Variants in DLGAP2 observed in about 807,000 individuals in gnomAD.
DLGAP2 encodes disks large-associated protein 2.
DLGAP2 carries 26 observed loss-of-function variants against 100.3 expected under a neutral mutation model. The ratio of observed to expected loss-of-function variants is 0.26; its 90% CI spans 0.19 to 0.36. The LOEUF is 0.36. Ranked by LOEUF, DLGAP2 falls within the 10% of genes least tolerant of loss-of-function variation. The probability of loss-of-function intolerance (pLI) is 1.00; values close to 1 mark genes in which losing one functional copy is unlikely to be tolerated. For synonymous variants in DLGAP2, 886 were observed against 630.1 expected, an observed-to-expected ratio of 1.41 and a Z score of -6.08; for missense variants, 1,858 against 1,453.2, an observed-to-expected ratio of 1.28 and a Z score of -4.53.
chr8:1,024,809 G>A (rs1801743935), intron 2 of DLGAP2, among the ~76,000 whole-genome samples: 1 of 152,178 alleles, frequency 6.6e-6, no homozygotes, highest in South Asian at 2.1e-4. Context: ...GAGGGGCTTA[G>A]GCCAGCGGCG....
intron 3 of DLGAP2, among the ~76,000 whole-genome samples, chr8:1,299,210 C>T (rs149274477): frequency 4.6e-5 from 7 of 152,306 alleles, no homozygotes; most frequent in Non-Finnish European, 7.4e-5. Flanking sequence ...CTGTGCAGGG[C>T]GGCACAGCTC....
intron 2 of DLGAP2, among the ~76,000 whole-genome samples, chr8:1,180,964 G>C (rs1797374778): frequency 1.2e-5 from 1 of 82,246 alleles, no homozygotes; most frequent in Non-Finnish European, 2.5e-5. Context: ...GGCTGTGCAA[G>C]GGCAGTACAC....
At chr8:738,776 G>C in intron 1 of DLGAP2, 1 of 153,200 alleles carries the variant, frequency 6.5e-6, no homozygotes, top group Non-Finnish European at 1.5e-5. Flanking sequence ...CTTCGGAGCA[G>C]GCTGGACCTG....
intron 2 of DLGAP2, among the ~76,000 whole-genome samples, chr8:1,181,492 A>T (rs1269274305): frequency 6.6e-6 from 1 of 152,004 alleles, no homozygotes; most frequent in Non-Finnish European, 1.5e-5. Context: ...GAGCTGAATG[A>T]GGAGAACTGA....
intron 1 of DLGAP2, chr8:740,041 C>T (rs1820444186): frequency 6.6e-6 from 1 of 152,252 alleles, no homozygotes; most frequent in Non-Finnish European, 1.5e-5. Flanking sequence ...CCTTCACTGT[C>T]ACTCCTTGGT....
chr8:1,689,762 G>A (rs1432834782), intron 12 of DLGAP2, among the ~76,000 whole-genome samples: 6 of 152,200 alleles, frequency 3.9e-5, no homozygotes, highest in African/African-American at 1.2e-4. Flanking sequence ...ATGGGGAGAC[G>A]TGGTGTGAAC....
At chr8:938,501 G>A (rs1368416757) in intron 2 of DLGAP2, among the ~76,000 whole-genome samples, 1 of 152,216 alleles carries the variant, frequency 6.6e-6, no homozygotes, top group African/African-American at 2.4e-5. Flanking sequence ...GTGGATGCAT[G>A]GTTTGTGTGG....
At chr8:1,201,087 C>G (rs7814616) in intron 2 of DLGAP2, among the ~76,000 whole-genome samples, 33,549 of 152,142 alleles carry the variant, frequency 0.22, 3,674 homozygotes, top group Admixed American at 0.24. Flanking sequence ...GAGACCAGCA[C>G]TGGGGAGGCT....
chr8:807,863 A>T (rs1796298186), intron 1 of DLGAP2, among the ~76,000 whole-genome samples: 1 of 152,140 alleles, frequency 6.6e-6, no homozygotes, highest in South Asian at 2.1e-4. Flanking sequence ...GGAAGGGAGG[A>T]TGGGGAGGAG....
In DLGAP2 at chr8:1,355,498, GGGA is replaced by G. The variant is rs1337783027; in HGVS notation, c.106+96616_106+96618del. Among the ~76,000 whole-genome samples the G allele has an allele frequency of 6.7e-4, 102 of 152,196 alleles. 1 individual carries two copies. Among genetic ancestry groups the G allele is most frequent in the African/African-American group, 2.4e-3 (98 of 41,514 alleles). On this transcript the variant is annotated intron_variant, in intron 3 of 14. Transcript: ENST00000637795. ...TCCTGCCTCAACCTCCTGAGTAGCT[GGGA>G]TTACAGGTGTGTGCCACCATGCTTG...
intron 1 of DLGAP2, among the ~76,000 whole-genome samples, chr8:817,743 C>G (rs1271026749): frequency 3.9e-5 from 6 of 152,170 alleles, no homozygotes; most frequent in Admixed American, 3.9e-4. Context: ...TCTTCTGGGT[C>G]CAGCCACCCG....
intron 2 of DLGAP2, among the ~76,000 whole-genome samples, chr8:1,256,570 G>T (rs1167454862): frequency 1.3e-5 from 2 of 151,468 alleles, no homozygotes; most frequent in Non-Finnish European, 2.9e-5. Context: ...TCCTGCCCGG[G>T]TGCTGTGCGT....
intron 2 of DLGAP2, among the ~76,000 whole-genome samples, chr8:971,494 C>G (rs1258522268): frequency 4.6e-5 from 7 of 152,236 alleles, no homozygotes; most frequent in Admixed American, 3.9e-4. Context: ...AGAAGCAGCC[C>G]CAGCTGGAGT....
At chr8:1,694,079 G>C (rs971675442) in intron 13 of DLGAP2, among the ~76,000 whole-genome samples, 2 of 152,294 alleles carry the variant, frequency 1.3e-5, no homozygotes, top group East Asian at 3.9e-4. Context: ...GCCAGAAATA[G>C]CTAATATTTG....
intron 1 of DLGAP2, among the ~76,000 whole-genome samples, chr8:801,509 G>A (rs1005984420): frequency 6.6e-6 from 1 of 152,222 alleles, no homozygotes; most frequent in Admixed American, 6.5e-5. Context: ...GTTAAGGAAA[G>A]AGCGGTGAGA....
chr8:1,549,730 GGT>G (rs1226665948), intron 5 of DLGAP2, 47 bp downstream of exon 5: 2 of 1,471,722 alleles, frequency 1.4e-6, no homozygotes. Context: ...CACAGCAGGT[GGT>G]ATTGTCGTTA....
intron 3 of DLGAP2, among the ~76,000 whole-genome samples, chr8:1,290,959 C>T (rs547894701): frequency 6.6e-6 from 1 of 152,136 alleles, no homozygotes; most frequent in African/African-American, 2.4e-5. Context: ...AACCACCTCC[C>T]CCATCCAGCC....
At chr8:1,652,240 C>T (rs6983638) in intron 8 of DLGAP2, among the ~76,000 whole-genome samples, 5,445 of 152,156 alleles carry the variant, frequency 0.036, 322 homozygotes, top group African/African-American at 0.12. Flanking sequence ...AATGACATTC[C>T]TCCTGGAGTG....
At chr8:1,616,500 G>A (rs539387772) in intron 6 of DLGAP2, among the ~76,000 whole-genome samples, 2 of 152,288 alleles carry the variant, frequency 1.3e-5, no homozygotes, top group African/African-American at 4.8e-5. Flanking sequence ...AACCAAGGAA[G>A]GGGTCAAACA....
Sources: allele counts gnomAD v4.1 joint callset (sites outside exome capture counted in the v4.1 genomes callset), GRCh38; gene constraint gnomAD v4.1.1; transcripts MANE v1.5; gene names NCBI Gene and HGNC (gene_info 2026-07-23, HGNC 2026-07-21).